PRDM11: variants seen among roughly 807,000 people sequenced by gnomAD.
PRDM11 encodes the protein PR domain-containing protein 11.
A neutral mutation model predicts 97.8 loss-of-function variants in PRDM11; 20 were observed. The observed-to-expected ratio is 0.20, with a 90% confidence interval of 0.14 to 0.30. The LOEUF is 0.30. Ranked by LOEUF, PRDM11 falls within the 10% of genes least tolerant of loss-of-function variation. The pLI, the probability that PRDM11 is intolerant of heterozygous loss-of-function variation, is 1.00. For synonymous variants in PRDM11, 599 were observed against 637.7 expected, an observed-to-expected ratio of 0.94 and a Z score of 0.91; for missense variants, 1,139 against 1,555.2, an observed-to-expected ratio of 0.73 and a Z score of 4.50.
chr11:45,228,209 A>C lies in PRDM11; in HGVS notation c.*50A>C. 7.7e-7 allele frequency: 1 copy of C among 1,292,992 alleles called. No individual in the cohort carries two copies. Among genetic ancestry groups the C allele is most frequent in the Non-Finnish European group, 1.0e-6 (1 of 1,004,316 alleles). 80.1% of individuals were successfully genotyped at this position (1,292,992 alleles called of 1,614,324 possible). ...AAGCTGTTGAATATTTTTTTAATCTATACTCATAAGCTTTGATATATTATA... is the reference window on the plus strand; with the variant it reads ...AAGCTGTTGAATATTTTTTTAATCTCTACTCATAAGCTTTGATATATTATA... On this transcript the variant is annotated 3_prime_UTR_variant, in exon 8 of 8. Transcript: ENST00000683152.
chr11:45,155,807 G>T (rs1404613837), intron 1 of PRDM11, among the ~76,000 whole-genome samples: 2 of 151,890 alleles, frequency 1.3e-5, no homozygotes. Context: ...AGCAGAAAAG[G>T]AGGATCCAGG....
intron 5 of PRDM11, among the ~76,000 whole-genome samples, 182 bp downstream of exon 5, chr11:45,204,960 C>G (rs1853455008): frequency 6.6e-6 from 1 of 152,152 alleles, no homozygotes; most frequent in South Asian, 2.1e-4. Flanking sequence ...TCAGGGGGCT[C>G]TAGAGGACGG....
At chr11:45,171,309 A>G (rs778666451) in intron 1 of PRDM11, among the ~76,000 whole-genome samples, 16 of 152,150 alleles carry the variant, frequency 1.1e-4, no homozygotes, top group Non-Finnish European at 1.9e-4. Context: ...CATGTTAGCC[A>G]GGCTGGTCTT....
intron 4 of PRDM11, among the ~76,000 whole-genome samples, chr11:45,200,472 T>A (rs1853287911): frequency 6.6e-6 from 1 of 152,210 alleles, no homozygotes; most frequent in Non-Finnish European, 1.5e-5. Context: ...TTTATCCAAT[T>A]TTATAGATAA....
chr11:45,162,377 G>C (rs1393550061), intron 1 of PRDM11, among the ~76,000 whole-genome samples: 1 of 151,946 alleles, frequency 6.6e-6, no homozygotes, highest in Non-Finnish European at 1.5e-5. Flanking sequence ...GCTCAGAGAG[G>C]CCCAAAGGGC....
intron 5 of PRDM11, chr11:45,213,562 G>A (rs961339046): frequency 1.3e-5 from 6 of 456,412 alleles, no homozygotes; most frequent in Admixed American, 4.7e-5. Flanking sequence ...CCTTGTGCGC[G>A]TGCTCAGCTG....
intron 5 of PRDM11, chr11:45,213,691 G>A (rs1001455186): frequency 6.6e-6 from 3 of 456,532 alleles, no homozygotes; most frequent in South Asian, 1.5e-5. Flanking sequence ...GAGTCTGGGT[G>A]GTCTCAGTGG....
At chr11:45,151,325 G>A (rs1851654087) in intron 1 of PRDM11, among the ~76,000 whole-genome samples, 1 of 152,224 alleles carries the variant, frequency 6.6e-6, no homozygotes, top group African/African-American at 2.4e-5. Context: ...GGAAAAACAA[G>A]CCGTGCAGAA....
At chr11:45,169,327 T>C (rs1427897299) in intron 1 of PRDM11, among the ~76,000 whole-genome samples, 1 of 152,234 alleles carries the variant, frequency 6.6e-6, no homozygotes, top group Non-Finnish European at 1.5e-5. Context: ...TCTCCTCCTC[T>C]AGCCCTCAGT....
intron 1 of PRDM11, among the ~76,000 whole-genome samples, chr11:45,135,724 G>A (rs2135656788): frequency 6.6e-6 from 1 of 152,236 alleles, no homozygotes; most frequent in East Asian, 1.9e-4. Flanking sequence ...CAATATTATG[G>A]GAATGTCAAT....
At chr11:45,096,582 G>A (rs868089497) in intron 1 of PRDM11, among the ~76,000 whole-genome samples, 5 of 152,052 alleles carry the variant, frequency 3.3e-5, no homozygotes, top group Admixed American at 6.6e-5. Flanking sequence ...CAGGCTCTCC[G>A]AAGATAAAAG....
At chr11:45,182,459 A>G in intron 3 of PRDM11, 110 bp downstream of exon 3, 1 of 988,498 alleles carries the variant, frequency 1.0e-6, no homozygotes, top group East Asian at 2.6e-5. Context: ...CCTGCAATAT[A>G]CCAGGCCCAG....
intron 4 of PRDM11, among the ~76,000 whole-genome samples, chr11:45,193,229 A>T (rs1852977793): frequency 6.6e-6 from 1 of 152,210 alleles, no homozygotes; most frequent in Admixed American, 6.5e-5. Flanking sequence ...GGAGTGTGCC[A>T]TCACACCCAT....
intron 1 of PRDM11, among the ~76,000 whole-genome samples, chr11:45,159,012 T>C (rs1851869398): frequency 6.6e-6 from 1 of 152,138 alleles, no homozygotes; most frequent in African/African-American, 2.4e-5. Context: ...TTCTGTGGCC[T>C]GCCCTGTCCC....
intron 1 of PRDM11, among the ~76,000 whole-genome samples, chr11:45,128,403 C>T (rs534843264): frequency 6.6e-4 from 100 of 152,266 alleles, no homozygotes; most frequent in African/African-American, 2.4e-3. Flanking sequence ...CCCGGTACCT[C>T]AGATGGAAAT....
chr11:45,189,209 AG>A (rs1852821558), intron 4 of PRDM11, among the ~76,000 whole-genome samples: 2 of 152,162 alleles, frequency 1.3e-5, no homozygotes, highest in African/African-American at 4.8e-5. Flanking sequence ...CCGCGAGCAC[AG>A]GGTTTCTATG....
chr11:45,129,661 A>G (rs908552427), intron 1 of PRDM11, among the ~76,000 whole-genome samples: 1 of 152,186 alleles, frequency 6.6e-6, no homozygotes, highest in African/African-American at 2.4e-5. Context: ...TAAACACTTC[A>G]TGTTTACAGA....
intron 1 of PRDM11, among the ~76,000 whole-genome samples, chr11:45,120,628 TA>T (rs139063992): frequency 0.018 from 2,696 of 147,774 alleles, 91 homozygotes; most frequent in African/African-American, 0.063. Flanking sequence ...ATATTTTCAT[TA>T]AAAAAAAAAC....
chr11:45,181,847 C>A lies in PRDM11; in HGVS notation c.81C>A (p.Val27=). ...TGGTGACGGTGGTGAAGACGGAGGTCTGCTCACCACTCCGAGACCAGGAGT... is the reference window on the plus strand; with the variant it reads ...TGGTGACGGTGGTGAAGACGGAGGTATGCTCACCACTCCGAGACCAGGAGT... ...GDMVTVVKTE[V]CSPLRDQEYG... The change falls in exon 2 of 8, where the codon GTC becomes GTA. Residue 27 remains valine, a synonymous_variant. Coordinates refer to ENST00000683152, the MANE Select transcript of PRDM11 (RefSeq NM_001384648.1). 1 of 1,613,420 alleles carries A rather than the reference C, an allele frequency of 6.2e-7. No individual in the cohort carries two copies. Among genetic ancestry groups the A allele is most frequent in the South Asian group, 1.1e-5 (1 of 91,064 alleles).
Sources: gnomAD v4.1 joint callset for allele counts (sites outside exome capture counted in the v4.1 genomes callset) on GRCh38, gnomAD v4.1.1 for gene constraint, MANE v1.5 for transcripts, NCBI Gene and HGNC (gene_info 2026-07-23, HGNC 2026-07-21) for gene names.